Variants in SLC23A2 observed in about 807,000 individuals in gnomAD.
SLC23A2 encodes solute carrier family 23 member 2, also known as Na(+)/L-ascorbic acid transporter 2.
In SLC23A2, 36 loss-of-function variants were observed where a neutral mutation model predicts 73.3. The observed-to-expected ratio is 0.49, with a 90% CI of 0.38 to 0.65. The LOEUF (loss-of-function observed/expected upper bound fraction) is 0.65. SLC23A2 is among the 30% of genes least tolerant of loss of function. SLC23A2 has a pLI of 0.00. For missense variants in SLC23A2, 507 were observed against 841.6 expected (o/e 0.60, Z 4.92); for synonymous variants, 343 against 327.3 (o/e 1.05, Z -0.52).
rs371677459 is a variant in SLC23A2 at position 4,883,716 on chromosome 20, C to T, written c.750G>A (p.Thr250=). Residue 250 remains threonine (T), a synonymous_variant, in exon 9 of 17, where the codon ACG becomes ACA. Transcript: ENST00000338244. This position sits in a 1 kb window ranked among gnomAD's most constrained non-coding sequence, Gnocchi z 4.5. The part of the protein sequence containing the change: ...KYIGPLTITP[T]VALIGLSGFQ... ...AACCAGAGAGGCCAATTAGGGCCAC[C>T]GTGGGTGTAATGGTCAAGGGACCGA... is the stretch of plus-strand genomic sequence containing the variant. 1.4e-5 allele frequency: 22 copies of T among 1,613,806 alleles called. No individual in the cohort carries two copies. The highest frequency in any genetic ancestry group is 5.0e-5 in the Admixed American group (3 of 59,984).
intron 13 of SLC23A2, 122 bp downstream of exon 13, chr20:4,867,648 A>AG: frequency 7.0e-6 from 3 of 426,850 alleles, no homozygotes; most frequent in East Asian, 4.3e-5. Flanking sequence ...AAAAAAAAAA[A>AG]GGAGAGAAGT....
At chr20:4,955,392 CA>C (rs1165612127) in intron 2 of SLC23A2, among the ~76,000 whole-genome samples, 220 of 140,686 alleles carry the variant, frequency 1.6e-3, no homozygotes, top group Non-Finnish European at 2.7e-3. Flanking sequence ...CACACACACA[CA>C]CACACCCTAG....
chr20:4,890,470 T>G (rs191281933), intron 6 of SLC23A2, among the ~76,000 whole-genome samples: 119 of 152,020 alleles, frequency 7.8e-4, no homozygotes, highest in African/African-American at 2.5e-3. Context: ...CTGGCCAACA[T>G]GGAGAAACCC....
At chr20:4,861,285 A>C (rs1200249351) in intron 15 of SLC23A2, among the ~76,000 whole-genome samples, 6 of 152,196 alleles carry the variant, frequency 3.9e-5, no homozygotes, top group Non-Finnish European at 7.3e-5. Context: ...AATGTTTTGG[A>C]AACTGGACAG....
intron 1 of SLC23A2, 97 bp downstream of exon 1, chr20:5,001,309 T>C (rs1011304423): frequency 6.8e-6 from 1 of 146,348 alleles, no homozygotes; most frequent in Non-Finnish European, 1.5e-5. Context: ...GCGGGGGCCG[T>C]GCCAGGCCGG....
At chr20:4,968,838 C>G (rs2087516061) in intron 2 of SLC23A2, among the ~76,000 whole-genome samples, 1 of 151,508 alleles carries the variant, frequency 6.6e-6, no homozygotes, top group Non-Finnish European at 1.5e-5. Flanking sequence ...CCTGCCTCAG[C>G]CTCCAGAGTA....
chr20:4,941,890 T>C (rs150879643), intron 2 of SLC23A2, among the ~76,000 whole-genome samples: 1 of 152,332 alleles, frequency 6.6e-6, no homozygotes, highest in East Asian at 1.9e-4. Flanking sequence ...ATTAACCCAC[T>C]GTGTATGTGT....
intron 2 of SLC23A2, among the ~76,000 whole-genome samples, chr20:4,959,022 C>T (rs887629871): frequency 6.6e-6 from 1 of 151,058 alleles, no homozygotes; most frequent in Non-Finnish European, 1.5e-5. Context: ...ATCAGCCTGA[C>T]CAACACAGAG....
At chr20:5,004,804 A>C (rs576254773), upstream of SLC23A2, among the ~76,000 whole-genome samples, 27 of 152,294 alleles carry the variant, frequency 1.8e-4, 1 homozygote, top group South Asian at 3.9e-3. Context: ...GTTCGAGACC[A>C]GCCTGACCAA....
intron 11 of SLC23A2, among the ~76,000 whole-genome samples, chr20:4,870,693 G>T (rs1026092771): frequency 2.0e-5 from 3 of 152,166 alleles, no homozygotes; most frequent in South Asian, 2.1e-4. Flanking sequence ...AAAGTGCCCT[G>T]CCACGTTGGG....
intron 13 of SLC23A2, 83 bp downstream of exon 13, chr20:4,867,687 T>C: frequency 1.5e-6 from 1 of 648,874 alleles, no homozygotes; most frequent in South Asian, 2.4e-5. Flanking sequence ...GCCCGCCCAT[T>C]TGGAACTTGC....
upstream of SLC23A2, among the ~76,000 whole-genome samples, chr20:5,005,171 C>T (rs1186396093): frequency 6.6e-6 from 1 of 150,974 alleles, no homozygotes; most frequent in African/African-American, 2.4e-5. Context: ...GCTTTGGTAT[C>T]AGCAGATAGC....
At chr20:4,864,736 A>G (rs1248592080) in intron 13 of SLC23A2, among the ~76,000 whole-genome samples, 1 of 152,190 alleles carries the variant, frequency 6.6e-6, no homozygotes, top group Non-Finnish European at 1.5e-5. Flanking sequence ...GCAGCAGGGA[A>G]GAGAAAATCT....
intron 1 of SLC23A2, among the ~76,000 whole-genome samples, chr20:4,972,576 G>GT (rs1555807178): frequency 1.2e-3 from 176 of 144,062 alleles, no homozygotes; most frequent in East Asian, 6.1e-3. Flanking sequence ...GTTTTTTGGG[G>GT]TTTTTTTGTT....
chr20:4,934,149 A>G (rs2086921679), intron 2 of SLC23A2, among the ~76,000 whole-genome samples: 1 of 152,190 alleles, frequency 6.6e-6, no homozygotes, highest in African/African-American at 2.4e-5. Flanking sequence ...TCTTGTTTGC[A>G]TATTCATGCA....
At chr20:4,955,572 T>G (rs1334060107) in intron 2 of SLC23A2, among the ~76,000 whole-genome samples, 1 of 152,078 alleles carries the variant, frequency 6.6e-6, no homozygotes, top group Non-Finnish European at 1.5e-5. Context: ...GAGTAACACT[T>G]GACCTCAGGG....
Position 4,857,283 on chromosome 20 carries a change from TACACACACACAC to T in SLC23A2, c.1721-91_1721-80del, listed in dbSNP as rs398035250. Reference sequence around the variant, plus strand: ...GAAAATGAAACTGTCGTCAAACACATACACACACACACACACACACACACACACACACACACA... The same window carrying T: ...GAAAATGAAACTGTCGTCAAACACATACACACACACACACACACACACACA... On this transcript the variant is annotated intron_variant, in intron 16 of 16. Transcript: ENST00000338244. The surrounding 1 kb of genome is among the most constrained non-coding windows in gnomAD (Gnocchi z 4.0). 3,567 of 420,820 alleles carry T rather than the reference TACACACACACAC, an allele frequency of 8.5e-3. 11 individuals carry two copies. The highest frequency in any genetic ancestry group is 0.022 in the East Asian group (428 of 19,350). 26.1% of individuals were successfully genotyped at this position (420,820 alleles called of 1,614,324 possible).
chr20:4,977,570 C>A (rs181938853), intron 1 of SLC23A2, among the ~76,000 whole-genome samples: 5 of 151,654 alleles, frequency 3.3e-5, no homozygotes, highest in African/African-American at 9.7e-5. Context: ...TGGTGGCATG[C>A]ACCTGTAGTC....
intron 12 of SLC23A2, 25 bp downstream of exon 12, chr20:4,869,881 G>C: frequency 1.9e-6 from 3 of 1,601,714 alleles, no homozygotes; most frequent in Non-Finnish European, 2.6e-6. Flanking sequence ...GGACCAATCA[G>C]GAACTTGTCT....
Sources: allele counts gnomAD v4.1 joint callset (sites outside exome capture counted in the v4.1 genomes callset), GRCh38; gene constraint gnomAD v4.1.1; non-coding constraint Gnocchi (gnomAD v3.1); transcripts MANE v1.5; gene names NCBI Gene and HGNC (gene_info 2026-07-23, HGNC 2026-07-21).